The following CHODL variants were observed in gnomAD, a reference collection of about 807,000 sequenced individuals.
CHODL encodes transmembrane protein MT75.
In CHODL, 29 loss-of-function variants were observed where a neutral mutation model predicts 34.5. The ratio of observed to expected loss-of-function variants is 0.84; its 90% confidence interval spans 0.63 to 1.15. CHODL has a LOEUF of 1.15. Ranked by LOEUF, CHODL falls within the 50% of genes most tolerant of loss-of-function variation. The probability of loss-of-function intolerance (pLI) is 0.00; values close to 1 mark genes in which losing one functional copy is unlikely to be tolerated. For missense variants in CHODL, 332 were observed against 332.5 expected (o/e 1.00, Z 0.01); for synonymous variants, 125 against 116.1 (o/e 1.08, Z -0.49).
chr21:18,026,478 T>G (rs1170835481), intron 1 of CHODL, among the ~76,000 whole-genome samples: 1 of 152,204 alleles, frequency 6.6e-6, no homozygotes, highest in Non-Finnish European at 1.5e-5. Flanking sequence ...GATTTGTAAT[T>G]AAAAATGAAG....
At position 18,065,745 on chromosome 21, in the gene CHODL, T is replaced by C. The variant is rs902687978; in HGVS notation, c.-45+37774T>C. On this transcript the variant is annotated intron_variant, in intron 2 of 6. Transcript: ENST00000400127. ...CATTAAGTGCAGTATTGGAAACAAA[T>C]TTGATAGAATATGAAAGACTATGGC... Among the ~76,000 whole-genome samples, 3 of 152,256 alleles carry C rather than the reference T, an allele frequency of 2.0e-5. No individual in the cohort carries two copies. The South Asian group carries it at 6.2e-4, about 32-fold the overall frequency.
intron 2 of CHODL, among the ~76,000 whole-genome samples, chr21:18,161,494 C>G (rs920805441): frequency 1.3e-5 from 2 of 152,148 alleles, no homozygotes; most frequent in East Asian, 1.9e-4. Flanking sequence ...CCATTTCTCC[C>G]GCTTTCTCTT....
intron 2 of CHODL, among the ~76,000 whole-genome samples, chr21:18,194,174 GA>G (rs1158373902): frequency 2.0e-5 from 3 of 152,138 alleles, no homozygotes; most frequent in African/African-American, 7.2e-5. Context: ...TCTCTGTAAA[GA>G]AACTGTGAAA....
rs371251304 is a variant in CHODL at position 18,171,363 on chromosome 21, C to T, written c.-44-85146C>T. Among the ~76,000 whole-genome samples the T allele has an allele frequency of 5.1e-3, 761 of 149,074 alleles. 16 individuals are homozygous for T. Among genetic ancestry groups the T allele is most frequent in the East Asian group, 0.048 (244 of 5,036 alleles). ...CTGGGACTACAGGCGCCCGCCACCG[C>T]GCCCGGCTAATTTTTTGTATTTTTA... On this transcript the variant is annotated intron_variant, in intron 2 of 6. Coordinates refer to the CHODL transcript ENST00000400127.
At chr21:18,180,204 G>A (rs1271411188) in intron 2 of CHODL, among the ~76,000 whole-genome samples, 1 of 152,124 alleles carries the variant, frequency 6.6e-6, no homozygotes, top group African/African-American at 2.4e-5. Context: ...CAAGGCTGGA[G>A]TACAGTGGCA....
intron 2 of CHODL, among the ~76,000 whole-genome samples, chr21:18,189,694 G>A (rs1279709048): frequency 1.4e-5 from 2 of 147,006 alleles, no homozygotes; most frequent in African/African-American, 2.5e-5. Context: ...GAGTGCAGTG[G>A]TGCGATCTCA....
chr21:17,961,389 T>C (rs1052611718), intron 1 of CHODL, among the ~76,000 whole-genome samples: 1 of 152,222 alleles, frequency 6.6e-6, no homozygotes, highest in Non-Finnish European at 1.5e-5. Context: ...ATCTCATTAA[T>C]CTCTGTTAGT....
intron 1 of CHODL, among the ~76,000 whole-genome samples, chr21:18,013,426 G>C (rs2064037939): frequency 8.5e-6 from 1 of 117,218 alleles, no homozygotes; most frequent in African/African-American, 3.3e-5. Context: ...CCCTGTAACT[G>C]CTTCAACTTC....
intron 1 of CHODL, among the ~76,000 whole-genome samples, chr21:17,983,505 A>G (rs990566995): frequency 2.6e-5 from 4 of 152,168 alleles, no homozygotes; most frequent in Non-Finnish European, 5.9e-5. Flanking sequence ...AGTACTTGAG[A>G]CAGCTAAATT....
chr21:18,188,119 T>C (rs2073465189), intron 2 of CHODL, among the ~76,000 whole-genome samples: 1 of 151,948 alleles, frequency 6.6e-6, no homozygotes, highest in African/African-American at 2.4e-5. Context: ...ATTTTTTTTT[T>C]CCTTTTGGAA....
chr21:18,151,082 CAA>C (rs61176066), intron 2 of CHODL, among the ~76,000 whole-genome samples: 1 of 122,998 alleles, frequency 8.1e-6, no homozygotes, highest in Admixed American at 8.3e-5. Context: ...GACTCTGTGT[CAA>C]AAAAAAAAAA....
At chr21:18,090,214 G>T (rs2065055289) in intron 2 of CHODL, among the ~76,000 whole-genome samples, 1 of 152,132 alleles carries the variant, frequency 6.6e-6, no homozygotes, top group South Asian at 2.1e-4. Flanking sequence ...CATAAAACAT[G>T]GGCAAAACCC....
chr21:17,932,439 A>T (rs1331523038), intron 1 of CHODL, among the ~76,000 whole-genome samples: 1 of 152,242 alleles, frequency 6.6e-6, no homozygotes, highest in Non-Finnish European at 1.5e-5. Context: ...CATTTGACCC[A>T]GCAATCCCAC....
At chr21:17,952,148 G>C (rs1326614766) in intron 1 of CHODL, among the ~76,000 whole-genome samples, 23 of 131,454 alleles carry the variant, frequency 1.7e-4, no homozygotes, top group Middle Eastern at 4.2e-3. Context: ...CACCTGGGAG[G>C]TCAGTGCTTC....
intron 2 of CHODL, among the ~76,000 whole-genome samples, chr21:18,089,452 C>T (rs952173608): frequency 6.6e-6 from 1 of 151,998 alleles, no homozygotes; most frequent in African/African-American, 2.4e-5. Context: ...ATTTATATTG[C>T]TCTAAATCAT....
intron 1 of CHODL, among the ~76,000 whole-genome samples, chr21:18,009,653 C>T (rs997062233): frequency 6.6e-6 from 1 of 151,962 alleles, no homozygotes; most frequent in Non-Finnish European, 1.5e-5. Context: ...GGTTGGCAGG[C>T]CAAGGCGGGA....
At chr21:18,091,369 A>T (rs925772279) in intron 2 of CHODL, among the ~76,000 whole-genome samples, 22 of 151,948 alleles carry the variant, frequency 1.4e-4, no homozygotes, top group African/African-American at 5.3e-4. Context: ...ACCTAGGGAG[A>T]CTCCAGTAGG....
intron 2 of CHODL, among the ~76,000 whole-genome samples, chr21:18,052,859 A>G (rs1196437894): frequency 6.6e-6 from 1 of 150,586 alleles, no homozygotes; most frequent in Non-Finnish European, 1.5e-5. Context: ...CAGGCTAACT[A>G]TTCTGGCTGA....
At chr21:18,074,298 C>T (rs2146504063) in intron 2 of CHODL, among the ~76,000 whole-genome samples, 1 of 152,252 alleles carries the variant, frequency 6.6e-6, no homozygotes, top group Non-Finnish European at 1.5e-5. Flanking sequence ...AGACACAAGT[C>T]ACTTGTCACA....
Sources: allele counts gnomAD v4.1 joint callset (sites outside exome capture counted in the v4.1 genomes callset), GRCh38; gene constraint gnomAD v4.1.1; transcripts MANE v1.5; gene names NCBI Gene and HGNC (gene_info 2026-07-23, HGNC 2026-07-21).